The following NF1 variants were observed in gnomAD, a reference collection of about 807,000 sequenced individuals.
The protein encoded by NF1 is neurofibromin.
A neutral mutation model predicts 325.7 loss-of-function variants in NF1; 122 were observed. That is an observed-to-expected ratio of 0.37 (90% CI 0.32 to 0.44). The LOEUF (loss-of-function observed/expected upper bound fraction) is 0.44. Among genes scored for constraint, NF1 ranks in the 20% least tolerant of loss-of-function variants. The pLI, the probability that NF1 is intolerant of heterozygous loss-of-function variation, is 1.00. For missense variants in NF1, 2,140 were observed against 3,415.4 expected (o/e 0.63, Z 9.31); for synonymous variants, 1,091 against 1,186.0 (o/e 0.92, Z 1.65).
At chr17:31,344,604 C>T (rs2069921772) in intron 48 of NF1, among the ~76,000 whole-genome samples, 1 of 152,232 alleles carries the variant, frequency 6.6e-6, no homozygotes, top group African/African-American at 2.4e-5. Flanking sequence ...CATACACCCA[C>T]TATTGTGAAT....
At chr17:31,271,313 C>G (rs1157580691) in intron 36 of NF1, among the ~76,000 whole-genome samples, 1 of 152,190 alleles carries the variant, frequency 6.6e-6, no homozygotes, top group Non-Finnish European at 1.5e-5. Flanking sequence ...TTATACATTA[C>G]AAAGGTTAGC....
rs2069790077 is a variant in NF1, at chr17:31,340,521, A to G, written c.6938A>G (p.Lys2313Arg). The change falls in exon 47 of 58, where the codon AAA (lysine) becomes AGA (arginine). Residue 2313 changes from lysine to arginine, a missense_variant. Transcript: ENST00000358273. ...PLLNKDSPLH[K>R]ALFWVAVAVL... is the part of the protein sequence containing the mutation. ...CTTTGCCAGGACTCGCCTCTGCACA[A>G]AGCCCTCTTTTGGGTAGCTGTGGCT... 1.2e-6 allele frequency: 2 copies of G among 1,614,218 alleles called. No individual in the cohort carries two copies. Among genetic ancestry groups the G allele is most frequent in the Non-Finnish European group, 1.7e-6 (2 of 1,180,026 alleles).
At chr17:31,108,760 T>C (rs1039619790) in intron 1 of NF1, among the ~76,000 whole-genome samples, 5 of 152,194 alleles carry the variant, frequency 3.3e-5, no homozygotes, top group Non-Finnish European at 7.3e-5. Context: ...TAAAAACAAC[T>C]CAATTAGGAA....
intron 1 of NF1, among the ~76,000 whole-genome samples, chr17:31,106,002 T>C (rs1912829298): frequency 6.6e-6 from 1 of 152,240 alleles, no homozygotes; most frequent in Non-Finnish European, 1.5e-5. Context: ...GATAATGACC[T>C]TTTGGGAAGT....
intron 36 of NF1, among the ~76,000 whole-genome samples, chr17:31,277,433 G>A (rs929225013): frequency 1.3e-5 from 2 of 152,168 alleles, no homozygotes; most frequent in African/African-American, 2.4e-5. Context: ...ATTAACTTTT[G>A]TTGTCTTAGC....
At chr17:31,309,480 C>T (rs1278279777) in intron 36 of NF1, among the ~76,000 whole-genome samples, 1 of 152,150 alleles carries the variant, frequency 6.6e-6, no homozygotes, top group African/African-American at 2.4e-5. Context: ...CCATGCAGTT[C>T]CTACCCATTA....
chr17:31,121,395 CTTTTTT>C (rs71142019), intron 1 of NF1, among the ~76,000 whole-genome samples: 4 of 92,526 alleles, frequency 4.3e-5, no homozygotes, highest in Middle Eastern at 6.6e-3. Flanking sequence ...AATCACTATT[CTTTTTT>C]TTTTTTTTTT....
intron 38 of NF1, among the ~76,000 whole-genome samples, chr17:31,328,425 A>G (rs954126344): frequency 3.3e-5 from 5 of 152,280 alleles, no homozygotes; most frequent in Non-Finnish European, 4.4e-5. Flanking sequence ...CTTTCTAGCT[A>G]TGTACTTTGA....
chr17:31,190,089 C>CCA lies in NF1; in HGVS notation c.888+7424_888+7425insCA, dbSNP rs1555609893. ...AAAATGTATTTTTAAAAATGTATTA[C>CCA]AAAAAAAAAAAAAAAAAAAAGCTGG... On this transcript the variant is annotated intron_variant, in intron 8 of 57. Coordinates refer to ENST00000358273, the MANE Select transcript of NF1 (RefSeq NM_001042492.3). 1.8e-3 allele frequency among the ~76,000 whole-genome samples: 173 copies of CCA among 98,214 alleles called. 2 individuals are homozygous for CCA. The highest frequency in any genetic ancestry group is 8.1e-3 in the African/African-American group (171 of 21,112). 64.4% of individuals were successfully genotyped at this position (98,214 alleles called of 152,430 possible).
chr17:31,216,496 T>C (rs2066821723), intron 13 of NF1, among the ~76,000 whole-genome samples: 1 of 152,220 alleles, frequency 6.6e-6, no homozygotes, highest in African/African-American at 2.4e-5. Context: ...GTCTCAATCA[T>C]GGTATTTTTA....
chr17:31,336,978 A>G lies in NF1; in HGVS notation c.6427+64A>G. ...TTCTCCATTTTACTTCACCTGATCAATATAGATTATCTTATTTATGTTTGT... is the reference window on the plus strand; with the variant it reads ...TTCTCCATTTTACTTCACCTGATCAGTATAGATTATCTTATTTATGTTTGT... On this transcript the variant is annotated intron_variant, in intron 42 of 57. Transcript: ENST00000358273. This position sits in a 1 kb window ranked among gnomAD's most constrained non-coding sequence, Gnocchi z 5.5. 3 of 1,517,598 alleles carry G rather than the reference A, an allele frequency of 2.0e-6. No individual in the cohort carries two copies. The highest frequency in any genetic ancestry group is 1.1e-5 in the South Asian group (1 of 88,226). The allele number at this position is 1,517,598 out of a possible 1,614,324, so 94.0% of individuals were successfully genotyped here. A position where few individuals can be genotyped will look rare whatever the true frequency, so the allele number is the denominator to read the frequency against.
intron 11 of NF1, among the ~76,000 whole-genome samples, 166 bp from the exon 12 acceptor site, chr17:31,206,074 T>C (rs1285726711): frequency 6.6e-6 from 1 of 152,212 alleles, no homozygotes; most frequent in Non-Finnish European, 1.5e-5. Context: ...AGTTAGTGTT[T>C]GAATTAAAGA....
intron 36 of NF1, among the ~76,000 whole-genome samples, chr17:31,277,482 C>T (rs1462295619): frequency 2.6e-5 from 4 of 152,104 alleles, no homozygotes; most frequent in African/African-American, 9.7e-5. Context: ...GAAATTAGTT[C>T]GTGCTGACTA....
At chr17:31,180,979 G>T (rs2066119564) in intron 5 of NF1, among the ~76,000 whole-genome samples, 1 of 152,216 alleles carries the variant, frequency 6.6e-6, no homozygotes, top group African/African-American at 2.4e-5. Flanking sequence ...CAAATCATGA[G>T]TGAACTCCCA....
At chr17:31,195,511 G>C (rs1034143161) in intron 8 of NF1, among the ~76,000 whole-genome samples, 1 of 152,044 alleles carries the variant, frequency 6.6e-6, no homozygotes, top group Non-Finnish European at 1.5e-5. Context: ...AACAAATTCT[G>C]TATCTATTAA....
intron 7 of NF1, 59 bp from the exon 8 acceptor site, chr17:31,182,449 T>C (rs1277133520): frequency 1.9e-6 from 3 of 1,565,878 alleles, no homozygotes; most frequent in Non-Finnish European, 2.6e-6. Context: ...CAGCTTTTAC[T>C]TTAATGCCAG....
At chr17:31,304,370 G>T in intron 36 of NF1, 1 of 1,614,062 alleles carries the variant, frequency 6.2e-7, no homozygotes, top group Non-Finnish European at 8.5e-7. Context: ...GAATCTTCTT[G>T]GTTTTTCATA....
At chr17:31,197,763 T>G (rs2066459854) in intron 8 of NF1, among the ~76,000 whole-genome samples, 1 of 152,164 alleles carries the variant, frequency 6.6e-6, no homozygotes, top group Admixed American at 6.5e-5. Flanking sequence ...TAGTTTTGCT[T>G]CTTTCTGTCC....
chr17:31,252,120 CTTTT>C (rs1193012915), intron 30 of NF1: 18 of 142,266 alleles, frequency 1.3e-4, no homozygotes, highest in South Asian at 8.1e-4. Flanking sequence ...TTTTAGGTGG[CTTTT>C]TTTTTTTTTT....
Sources: allele counts gnomAD v4.1 joint callset (sites outside exome capture counted in the v4.1 genomes callset), GRCh38; gene constraint gnomAD v4.1.1; non-coding constraint Gnocchi (gnomAD v3.1); transcripts MANE v1.5; gene names NCBI Gene and HGNC (gene_info 2026-07-23, HGNC 2026-07-21).